Variants in SORCS3 observed in about 807,000 individuals in gnomAD.
The protein encoded by SORCS3 is sortilin related VPS10 domain containing receptor 3.
A neutral mutation model predicts 146.3 loss-of-function variants in SORCS3; 57 were observed. The observed-to-expected ratio is 0.39, with a 90% CI of 0.31 to 0.49. SORCS3 has a LOEUF of 0.49. SORCS3 is among the 20% of genes least tolerant of loss of function. SORCS3 has a pLI of 0.92. For missense variants in SORCS3, 1,341 were observed against 1,575.5 expected, an observed-to-expected ratio of 0.85 and a Z score of 2.52; for synonymous variants, 653 against 618.5, an observed-to-expected ratio of 1.06 and a Z score of -0.83.
intron 3 of SORCS3, among the ~76,000 whole-genome samples, chr10:104,947,005 C>T (rs1278761459): frequency 2.0e-5 from 3 of 152,032 alleles, no homozygotes; most frequent in Non-Finnish European, 4.4e-5. Context: ...GAGGTGGTAG[C>T]CTGAGATTGT....
rs200423036 is a variant in SORCS3 at position 104,699,105 on chromosome 10, C to T, written c.627+57151C>T. ...AGGAACTTACAGAGTGCCCAAATCA[C>T]TGATTCCTGGGACGTTTTGCAAATA... is the stretch of plus-strand genomic sequence containing the variant. On this transcript the variant is annotated intron_variant, in intron 1 of 26. Transcript: ENST00000369701. Among the ~76,000 whole-genome samples the T allele has an allele frequency of 3.9e-5, 6 of 152,132 alleles. No homozygotes were observed. In the East Asian group the frequency reaches 1.2e-3, roughly 29 times the overall value.
At chr10:104,721,902 A>G (rs903783860) in intron 1 of SORCS3, among the ~76,000 whole-genome samples, 2 of 152,220 alleles carry the variant, frequency 1.3e-5, no homozygotes, top group Admixed American at 6.5e-5. Context: ...TTTTCTAGAC[A>G]TACAGTCATG....
intron 1 of SORCS3, among the ~76,000 whole-genome samples, chr10:104,809,047 GGGAA>G (rs1820859450): frequency 6.6e-6 from 1 of 152,216 alleles, no homozygotes; most frequent in Non-Finnish European, 1.5e-5. Flanking sequence ...CATATAAAAT[GGGAA>G]GGATAGTTAC....
At chr10:104,650,452 G>C (rs1175533062) in intron 1 of SORCS3, among the ~76,000 whole-genome samples, 1 of 151,298 alleles carries the variant, frequency 6.6e-6, no homozygotes, top group East Asian at 1.9e-4. Flanking sequence ...TTTCAATCCT[G>C]GGGGGGGCTG....
intron 2 of SORCS3, among the ~76,000 whole-genome samples, chr10:104,893,210 G>A (rs1425188207): frequency 2.0e-5 from 3 of 152,174 alleles, no homozygotes; most frequent in Non-Finnish European, 4.4e-5. Flanking sequence ...ATTGACTTGG[G>A]TCCCAAGGAA....
intron 17 of SORCS3, 97 bp from the exon 18 acceptor site, chr10:105,214,345 C>A: frequency 1.5e-6 from 2 of 1,371,306 alleles, no homozygotes; most frequent in Non-Finnish European, 2.0e-6. Flanking sequence ...TTTGCTCTTG[C>A]TCTCTTACAT....
chr10:105,085,665 A>C (rs144121332), intron 5 of SORCS3, among the ~76,000 whole-genome samples: 1 of 152,236 alleles, frequency 6.6e-6, no homozygotes, highest in Non-Finnish European at 1.5e-5. Context: ...AAGGCACCCT[A>C]TGGGCTTGTA....
rs11340368 is a variant in SORCS3 at position 105,182,230 on chromosome 10, C to CTTTTTTTTTTTTTTTTTTTTTTT, written c.2009+4058_2009+4080dup. ...CAGCCAACTTGTGACTATTCAGCAT[C>CTTTTTTTTTTTTTTTTTTTTTTT]TTTTTTTTTTTTTTTTTTTTTTTGT... On this transcript the variant is annotated intron_variant, in intron 14 of 26. Coordinates refer to ENST00000369701, the MANE Select transcript of SORCS3 (RefSeq NM_014978.3). Among the ~76,000 whole-genome samples, 28 of 70,472 alleles carry CTTTTTTTTTTTTTTTTTTTTTTT rather than the reference C, an allele frequency of 4.0e-4. 4 individuals are homozygous for CTTTTTTTTTTTTTTTTTTTTTTT. Among genetic ancestry groups the CTTTTTTTTTTTTTTTTTTTTTTT allele is most frequent in the Admixed American group, 5.8e-4 (3 of 5,216 alleles). The allele number at this position is 70,472 out of a possible 152,430, so 46.2% of individuals were successfully genotyped here.
At chr10:104,695,486 A>G (rs553420096) in intron 1 of SORCS3, among the ~76,000 whole-genome samples, 2 of 152,056 alleles carry the variant, frequency 1.3e-5, no homozygotes, top group African/African-American at 4.8e-5. Context: ...AGAAATGGGA[A>G]GAAATGCACA....
chr10:105,037,282 G>A lies in SORCS3; in HGVS notation c.955-5773G>A, dbSNP rs545288000. ...AGAGAAATGTAGCATCTCTGTCATT[G>A]CTGTCTCTCTCCAGACTGCCTAGTC... On this transcript the variant is annotated intron_variant, in intron 4 of 26. Transcript: ENST00000369701. Among the ~76,000 whole-genome samples the A allele has an allele frequency of 1.8e-4, 27 of 152,316 alleles. No individual in the cohort carries two copies. In the South Asian group the frequency reaches 5.4e-3, roughly 30 times the overall value.
intron 2 of SORCS3, among the ~76,000 whole-genome samples, chr10:104,888,811 G>T (rs988160289): frequency 5.3e-5 from 8 of 152,194 alleles, no homozygotes; most frequent in African/African-American, 1.9e-4. Context: ...CTTTCAGTTT[G>T]TGAGTTGTGG....
intron 8 of SORCS3, among the ~76,000 whole-genome samples, chr10:105,144,001 T>G (rs990533772): frequency 1.3e-5 from 2 of 152,182 alleles, no homozygotes; most frequent in African/African-American, 4.8e-5. Flanking sequence ...GCAATTAATT[T>G]GATCATGCAA....
intron 1 of SORCS3, among the ~76,000 whole-genome samples, chr10:104,751,738 G>A (rs1203409658): frequency 6.6e-6 from 1 of 151,396 alleles, no homozygotes; most frequent in Non-Finnish European, 1.5e-5. Context: ...TCGCAGGGAA[G>A]GTGCATTTAT....
intron 1 of SORCS3, among the ~76,000 whole-genome samples, chr10:104,772,290 C>T (rs1204689149): frequency 2.0e-5 from 3 of 152,198 alleles, no homozygotes; most frequent in Non-Finnish European, 4.4e-5. Context: ...CTGGACCTCA[C>T]CTGTCCACTG....
At chr10:105,215,659 A>T (rs540339700) in intron 18 of SORCS3, among the ~76,000 whole-genome samples, 31 of 152,308 alleles carry the variant, frequency 2.0e-4, no homozygotes, top group Non-Finnish European at 3.5e-4. Context: ...TATCCGTTTG[A>T]ATTGCCTCCA....
At chr10:104,751,924 C>CATACATATATATATAT (rs1554848908) in intron 1 of SORCS3, among the ~76,000 whole-genome samples, 3 of 38,456 alleles carry the variant, frequency 7.8e-5, no homozygotes, top group Non-Finnish European at 2.0e-4. Context: ...TAATAGGAAG[C>CATACATATATATATAT]ATATATATAT....
intron 2 of SORCS3, among the ~76,000 whole-genome samples, chr10:104,887,701 C>T (rs958171249): frequency 2.0e-5 from 3 of 152,144 alleles, no homozygotes; most frequent in African/African-American, 7.2e-5. Context: ...GTTTAGATCG[C>T]ATGTGAACTG....
intron 4 of SORCS3, among the ~76,000 whole-genome samples, chr10:105,041,460 T>A (rs1358108733): frequency 6.7e-6 from 1 of 148,712 alleles, no homozygotes; most frequent in Non-Finnish European, 1.5e-5. Context: ...TATATACATA[T>A]AACTATATGT....
Position 104,708,775 on chromosome 10 carries a change from C to T in SORCS3, c.627+66821C>T, listed in dbSNP as rs185575815. Among the ~76,000 whole-genome samples, 56 of 152,290 alleles carry T rather than the reference C, an allele frequency of 3.7e-4. No homozygotes were observed. In the East Asian group the frequency reaches 0.01, roughly 28 times the overall value. The stretch of plus-strand genomic sequence containing the variant: ...TCTCTCTTTCCTTTGGATAATATTT[C>T]TTCCAGGCCTCAGACTGCACTGGGT... On this transcript the variant is annotated intron_variant, in intron 1 of 26. Coordinates refer to ENST00000369701, the MANE Select transcript of SORCS3 (RefSeq NM_014978.3).
Sources: gnomAD v4.1 joint callset for allele counts (sites outside exome capture counted in the v4.1 genomes callset) on GRCh38, gnomAD v4.1.1 for gene constraint, MANE v1.5 for transcripts, NCBI Gene and HGNC (gene_info 2026-07-23, HGNC 2026-07-21) for gene names.